Variants in LLGL2 observed in about 807,000 individuals in gnomAD.
The protein encoded by LLGL2 is LLGL scribble cell polarity complex component 2, also known as LLGL2, scribble cell polarity complex component.
A neutral mutation model predicts 123.2 loss-of-function variants in LLGL2; 81 were observed. The ratio of observed to expected loss-of-function variants is 0.66; its 90% CI spans 0.55 to 0.79. The LOEUF (loss-of-function observed/expected upper bound fraction) is 0.79. Among genes scored for constraint, LLGL2 ranks in the 30% least tolerant of loss-of-function variants. LLGL2 has a pLI of 0.00. For synonymous variants in LLGL2, 577 were observed against 594.1 expected, an observed-to-expected ratio of 0.97 and a Z score of 0.42; for missense variants, 1,273 against 1,414.6, an observed-to-expected ratio of 0.90 and a Z score of 1.61.
intron 2 of LLGL2, among the ~76,000 whole-genome samples, chr17:75,555,380 A>G (rs2054864039): frequency 6.7e-6 from 1 of 149,154 alleles, no homozygotes. Flanking sequence ...CCTCAGCCTC[A>G]GTTTTTGTTC....
At chr17:75,556,394 A>G (rs1009028670) in intron 3 of LLGL2, among the ~76,000 whole-genome samples, 3 of 152,100 alleles carry the variant, frequency 2.0e-5, no homozygotes, top group East Asian at 1.9e-4. Flanking sequence ...GAGGTTTGAA[A>G]TGGACTGAGG....
Position 75,569,987 on chromosome 17 carries a change from G to A in LLGL2, c.1606G>A (p.Glu536Lys), listed in dbSNP as rs1188980168. 1.1e-5 allele frequency: 18 copies of A among 1,603,402 alleles called. No individual in the cohort carries two copies. The highest frequency in any genetic ancestry group is 2.2e-5 in the East Asian group (1 of 44,704). ...GGTGCTGGTACTGGAACTGAATGAC[G>A]AGGCAGCGGAGCAGGCTGTGGAGCA... ...GQVLVLELND[E>K]AAEQAVEQVE... The change falls in exon 15 of 26, where the codon GAG (glutamate) becomes AAG (lysine). Residue 536 changes from glutamate (E) to lysine (K), a missense_variant. Transcript: ENST00000392550.
rs775693592 is a variant in LLGL2, at chr17:75,568,529, A to C, written c.1090A>C (p.Ile364Leu). Residue 364 changes from isoleucine to leucine, a missense_variant, in exon 11 of 26, where the codon ATT becomes CTT. By Grantham distance (5) the Ile-to-Leu change is conservative. Transcript: ENST00000392550. ...GCTGGCTGAGGAGGAGCTGGTGGTG[A>C]TTGACCTGCAGACAGCAGGCTGGCC... is the stretch of plus-strand genomic sequence containing the variant. ...VVLAEEELVV[I>L]DLQTAGWPPV... The C allele has an allele frequency of 1.2e-6, 2 of 1,613,426 alleles. No individual in the cohort carries two copies. Among genetic ancestry groups the C allele is most frequent in the East Asian group, 4.5e-5 (2 of 44,868 alleles).
At chr17:75,540,990 T>C (rs2054185283) in intron 1 of LLGL2, among the ~76,000 whole-genome samples, 1 of 152,166 alleles carries the variant, frequency 6.6e-6, no homozygotes. Flanking sequence ...TTGAGCAAAA[T>C]GTTTTAAATG....
intron 1 of LLGL2, among the ~76,000 whole-genome samples, chr17:75,539,549 CT>C (rs919668039): frequency 8.7e-5 from 13 of 150,172 alleles, no homozygotes; most frequent in Non-Finnish European, 1.8e-4. Flanking sequence ...CAGCCCATCT[CT>C]TTTTTTTGAT....
At chr17:75,550,168 G>A (rs1023526137) in intron 2 of LLGL2, among the ~76,000 whole-genome samples, 2 of 152,202 alleles carry the variant, frequency 1.3e-5, no homozygotes, top group Non-Finnish European at 2.9e-5. Context: ...GGCTGGTCTT[G>A]GAATTCCTTG....
chr17:75,550,439 G>A (rs926134423), intron 2 of LLGL2, among the ~76,000 whole-genome samples: 1 of 150,092 alleles, frequency 6.7e-6, no homozygotes, highest in African/African-American at 2.5e-5. Flanking sequence ...GCCTTACAAG[G>A]CTGGTAGGAG....
intron 18 of LLGL2, 33 bp downstream of exon 18, chr17:75,571,816 C>T (rs984350434): frequency 1.2e-5 from 19 of 1,603,266 alleles, no homozygotes; most frequent in Non-Finnish European, 1.6e-5. Flanking sequence ...AGAGGGTGCT[C>T]GGGCTGCCTG....
rs751995804 is a variant in LLGL2, at chr17:75,573,520, C to G, written c.2765C>G (p.Ser922Cys). Residue 922 changes from serine (S) to cysteine (C), a missense_variant, in exon 21 of 26, where the codon TCT becomes TGT. Ser to Cys is a moderately radical substitution (Grantham distance 112, BLOSUM62 -1). Transcript: ENST00000392550. ...TCACCCTCGGAGTTTGAGCGCTTCT[C>G]TCTCTCCACCAAGTGGCTGGTGGAG... is the stretch of plus-strand genomic sequence containing the variant. ...LISPSEFERF[S>C]LSTKWLVEPR... 2.5e-6 allele frequency: 4 copies of G among 1,612,684 alleles called. No homozygotes were observed. Among genetic ancestry groups the G allele is most frequent in the African/African-American group, 2.7e-5 (2 of 74,928 alleles).
chr17:75,565,693 C>T (rs928601416), intron 10 of LLGL2, among the ~76,000 whole-genome samples: 3 of 152,332 alleles, frequency 2.0e-5, no homozygotes, highest in African/African-American at 4.8e-5. Context: ...GACAGGCCAC[C>T]TTCCTGCAAT....
intron 10 of LLGL2, among the ~76,000 whole-genome samples, chr17:75,565,993 A>G (rs2055427778): frequency 6.6e-6 from 1 of 152,182 alleles, no homozygotes; most frequent in Non-Finnish European, 1.5e-5. Flanking sequence ...GTAAGAAAAA[A>G]GCCAGGCAGA....
intron 1 of LLGL2, among the ~76,000 whole-genome samples, chr17:75,530,645 AT>A (rs66620492): frequency 0.63 from 86,740 of 137,024 alleles, 27,295 homozygotes; most frequent in Non-Finnish European, 0.7. Flanking sequence ...GCGAGACTCC[AT>A]TTCAAAAAAA....
At position 75,564,278 on chromosome 17, in the gene LLGL2, C is replaced by A; in HGVS notation, c.882-75C>A. The A allele has an allele frequency of 1.3e-6, 2 of 1,541,706 alleles. No homozygotes were observed. On this transcript the variant is annotated intron_variant, in intron 9 of 25. Coordinates refer to ENST00000392550, the MANE Select transcript of LLGL2 (RefSeq NM_001031803.2). The surrounding 1 kb of genome is among the most constrained non-coding windows in gnomAD (Gnocchi z 4.9). ...CCTGGGGACCTTGACTGAGTGGTGA[C>A]TTTGATTGCCGGCCTGTGGCTGTTG...
In LLGL2 at chr17:75,573,201, C is replaced by T. The variant is rs1337903459; in HGVS notation, c.2648C>T (p.Pro883Leu). 2.5e-6 allele frequency: 4 copies of T among 1,612,804 alleles called. No individual in the cohort carries two copies. Among genetic ancestry groups the T allele is most frequent in the African/African-American group, 2.7e-5 (2 of 75,042 alleles). The change falls in exon 20 of 26, where the codon CCC (proline) becomes CTC (leucine). Residue 883 changes from proline to leucine, a missense_variant. Pro to Leu is a moderately conservative substitution (Grantham distance 98, BLOSUM62 -3). Transcript: ENST00000392550. ...GTGGTCTCGCTGCCCCTGCTCAAGC[C>T]CCAGGTGCGCTACAGCTGCATCCGC... is the stretch of plus-strand genomic sequence containing the variant. ...IQVVSLPLLK[P>L]QVRYSCIRRE... is the part of the protein sequence containing the mutation.
chr17:75,533,335 C>T (rs1276047380), intron 1 of LLGL2, among the ~76,000 whole-genome samples: 1 of 80,122 alleles, frequency 1.2e-5, no homozygotes, highest in Non-Finnish European at 2.4e-5. Flanking sequence ...GATGGAGTCT[C>T]ACTCTGTCAC....
In LLGL2 at chr17:75,572,911, A is replaced by G. The variant is rs1374166776; in HGVS notation, c.2461-103A>G. The G allele has an allele frequency of 8.7e-6, 12 of 1,384,146 alleles. No individual in the cohort carries two copies. In the South Asian group the frequency reaches 9.6e-5, roughly 11 times the overall value. The allele number at this position is 1,384,146 out of a possible 1,614,324, so 85.7% of individuals were successfully genotyped here. A position where few individuals can be genotyped will look rare whatever the true frequency, so the allele number is the denominator to read the frequency against. ...TGCATCTGAGAGCCAAGGGTTTGTC[A>G]GGACACCGGGAGGCATGTGGGGAGG... On this transcript the variant is annotated intron_variant, in intron 19 of 25. Coordinates refer to ENST00000392550, the MANE Select transcript of LLGL2 (RefSeq NM_001031803.2).
chr17:75,574,409 G>A (rs774294121), intron 23 of LLGL2, 44 bp from the exon 24 acceptor site: 9 of 1,546,562 alleles, frequency 5.8e-6, no homozygotes, highest in South Asian at 1.2e-5. Context: ...GTGGCTAGCC[G>A]CCCCAAGGGC....
rs774287105 is a variant in LLGL2 at position 75,571,778 on chromosome 17, A to G, written c.2288A>G (p.Glu763Gly). ...AGAATGGATGAGCCTGTGCGGGCAG[A>G]GCAGGGTGAGTGCTGGGCAGGGAGA... is the stretch of plus-strand genomic sequence containing the variant. Reference protein sequence around the residue: ...ERRMDEPVRAEQAKEIQLMHR... With the variant: ...ERRMDEPVRAGQAKEIQLMHR... The change falls in exon 18 of 26, where the codon GAG (glutamate) becomes GGG (glycine). Residue 763 changes from glutamate (E) to glycine (G), a missense_variant. Glu to Gly is a moderately conservative substitution (Grantham distance 98). Transcript: ENST00000392550. 34 of 1,606,942 alleles carry G rather than the reference A, an allele frequency of 2.1e-5. No homozygotes were observed. Among genetic ancestry groups the G allele is most frequent in the Admixed American group, 6.7e-5 (4 of 60,002 alleles).
Position 75,569,343 on chromosome 17 carries a change from G to A in LLGL2, c.1581+18G>A, listed in dbSNP as rs2147527783. On this transcript the variant is annotated intron_variant, in intron 14 of 25. Coordinates refer to ENST00000392550, the MANE Select transcript of LLGL2 (RefSeq NM_001031803.2). ...CAGGGCAGGTAGCAGGCTGGGCTGG[G>A]GAGGGGGAGCTGGGGAGGAGTGGTC... 2 of 1,598,302 alleles carry A rather than the reference G, an allele frequency of 1.3e-6. No homozygotes were observed. The highest frequency in any genetic ancestry group is 1.3e-5 in the African/African-American group (1 of 74,708).
Sources: allele counts gnomAD v4.1 joint callset (sites outside exome capture counted in the v4.1 genomes callset), GRCh38; gene constraint gnomAD v4.1.1; non-coding constraint Gnocchi (gnomAD v3.1); transcripts MANE v1.5; gene names NCBI Gene and HGNC (gene_info 2026-07-23, HGNC 2026-07-21).